NOL10: variants seen among roughly 807,000 people sequenced by gnomAD.
NOL10 encodes nucleolar protein 10.
Under a neutral mutation model 103.5 loss-of-function variants are expected in NOL10, and 58 were observed. The ratio of observed to expected loss-of-function variants is 0.56; its 90% CI spans 0.45 to 0.70. The LOEUF is 0.70. Ranked by LOEUF, NOL10 falls within the 30% of genes least tolerant of loss-of-function variation. The pLI is 0.00. For missense variants in NOL10, 763 were observed against 807.3 expected (o/e 0.95, Z 0.67); for synonymous variants, 287 against 282.5 (o/e 1.02, Z -0.16).
chr2:10,586,152 C>T (rs369457971), intron 19 of NOL10, among the ~76,000 whole-genome samples: 18 of 152,246 alleles, frequency 1.2e-4, no homozygotes, highest in South Asian at 4.1e-4. Context: ...GCCCATAAGG[C>T]GTGGGGTTTC....
At chr2:10,671,218 C>T (rs937940179) in intron 6 of NOL10, among the ~76,000 whole-genome samples, 1 of 152,070 alleles carries the variant, frequency 6.6e-6, no homozygotes, top group African/African-American at 2.4e-5. Flanking sequence ...TTGTGGCAAC[C>T]GGGCTAAACT....
intron 12 of NOL10, among the ~76,000 whole-genome samples, chr2:10,647,980 C>CT (rs1679196312): frequency 2.0e-5 from 3 of 152,196 alleles, no homozygotes; most frequent in Admixed American, 2.0e-4. Flanking sequence ...TTCCACAGGT[C>CT]TGGAGTGGGA....
chr2:10,618,034 G>GTTTTTT (rs36205939), intron 13 of NOL10, among the ~76,000 whole-genome samples: 2 of 145,876 alleles, frequency 1.4e-5, no homozygotes, highest in Non-Finnish European at 3.0e-5. Context: ...TACACTTCAT[G>GTTTTTT]TTTTTTTTTT....
In NOL10 at chr2:10,675,785, T is replaced by C; in HGVS notation, c.289+9A>G. ...ATTTTCATGAATTCAAATTTAGCTT[T>C]TTACTCACCTTCTGAATCTAAACAC... is the stretch of plus-strand genomic sequence containing the variant. On this transcript the variant is annotated intron_variant, in intron 4 of 20. Coordinates refer to ENST00000381685, the MANE Select transcript of NOL10 (RefSeq NM_024894.4). 2.7e-6 allele frequency: 4 copies of C among 1,503,536 alleles called. No individual in the cohort carries two copies. The highest frequency in any genetic ancestry group is 3.6e-6 in the Non-Finnish European group (4 of 1,110,502). The allele number at this position is 1,503,536 out of a possible 1,614,324, so 93.1% of individuals were successfully genotyped here.
chr2:10,599,453 C>T (rs1178375488), intron 17 of NOL10, among the ~76,000 whole-genome samples: 1 of 152,190 alleles, frequency 6.6e-6, no homozygotes, highest in Non-Finnish European at 1.5e-5. Context: ...GCAGCAAAGA[C>T]TTGTATTCTA....
chr2:10,603,198 T>C, intron 14 of NOL10, 41 bp from the exon 15 acceptor site: 1 of 1,421,312 alleles, frequency 7.0e-7, no homozygotes, highest in Middle Eastern at 1.7e-4. Flanking sequence ...CCTTATGCAA[T>C]CTTCATTAAC....
intron 13 of NOL10, among the ~76,000 whole-genome samples, chr2:10,634,172 C>A (rs1486277520): frequency 2.0e-5 from 3 of 152,068 alleles, no homozygotes; most frequent in Non-Finnish European, 2.9e-5. Flanking sequence ...CTGGCTGTTA[C>A]ATGGAAAATA....
chr2:10,663,488 G>A (rs1358104938), intron 8 of NOL10, among the ~76,000 whole-genome samples: 1 of 151,966 alleles, frequency 6.6e-6, no homozygotes, highest in Non-Finnish European at 1.5e-5. Context: ...AGTATTTAGG[G>A]AAGAAATATC....
intron 1 of NOL10, among the ~76,000 whole-genome samples, chr2:10,688,982 C>A (rs1489756061): frequency 6.6e-6 from 1 of 152,212 alleles, no homozygotes; most frequent in East Asian, 1.9e-4. Flanking sequence ...CCAACAGTGG[C>A]ATGCTATAAG....
At chr2:10,587,418 G>A (rs1042312912) in intron 19 of NOL10, among the ~76,000 whole-genome samples, 18 of 149,532 alleles carry the variant, frequency 1.2e-4, no homozygotes, top group Non-Finnish European at 2.2e-4. Flanking sequence ...CTACAGGCAC[G>A]TGCCGCCACA....
At chr2:10,667,353 A>G in intron 7 of NOL10, 75 bp from the exon 8 acceptor site, 1 of 1,089,342 alleles carries the variant, frequency 9.2e-7, no homozygotes, top group Non-Finnish European at 1.4e-6. Flanking sequence ...TTAAATAAAT[A>G]AACAGTCAAC....
rs566434513 is a variant in NOL10, at chr2:10,597,198, T to C, written c.1422+3655A>G. 5.9e-5 allele frequency among the ~76,000 whole-genome samples: 9 copies of C among 152,340 alleles called. No homozygotes were observed. The East Asian group carries it at 1.2e-3, about 20-fold the overall frequency. On this transcript the variant is annotated intron_variant, in intron 17 of 20. Transcript: ENST00000381685. ...AGTTTGGATAATGTCCATATAATAC[T>C]GATTGACATTATGTGGTGGGCCACT... is the stretch of plus-strand genomic sequence containing the variant.
chr2:10,668,850 G>A (rs996613192), intron 6 of NOL10, 127 bp from the exon 7 acceptor site: 16 of 347,884 alleles, frequency 4.6e-5, no homozygotes, highest in Middle Eastern at 9.0e-4. Flanking sequence ...ATACAAAAAC[G>A]TATTCTAAAT....
At position 10,596,268 on chromosome 2, in the gene NOL10, G is replaced by GGGGGGGGGGGGA. The variant is rs1553298216; in HGVS notation, c.1422+4584_1422+4585insTCCCCCCCCCCC. On this transcript the variant is annotated intron_variant, in intron 17 of 20. Transcript: ENST00000381685. ...CCACAGATGGTGGTGGGGGGCGGGG[G>GGGGGGGGGGGGA]GCGGGCGCGAGGGAGTTTTGGGATG... Among the ~76,000 whole-genome samples, 6 of 81,386 alleles carry GGGGGGGGGGGGA rather than the reference G, an allele frequency of 7.4e-5. 1 individual carries two copies. The highest frequency in any genetic ancestry group is 3.1e-4 in the Admixed American group (2 of 6,536). 53.4% of individuals were successfully genotyped at this position (81,386 alleles called of 152,430 possible). A position where few individuals can be genotyped will look rare whatever the true frequency, so the allele number is the denominator to read the frequency against.
chr2:10,626,557 T>C (rs1677478849), intron 13 of NOL10, among the ~76,000 whole-genome samples: 1 of 151,924 alleles, frequency 6.6e-6, no homozygotes, highest in Non-Finnish European at 1.5e-5. Flanking sequence ...GAAGAGATAA[T>C]GGCCATGTTA....
At chr2:10,591,348 C>T (rs2024432) in intron 17 of NOL10, among the ~76,000 whole-genome samples, 52,292 of 151,876 alleles carry the variant, frequency 0.34, 9,427 homozygotes, top group Non-Finnish European at 0.4. Flanking sequence ...AAAAGGAATC[C>T]CAACAAAAGA....
chr2:10,676,096 A>G (rs541133892), intron 3 of NOL10, among the ~76,000 whole-genome samples: 1 of 152,360 alleles, frequency 6.6e-6, no homozygotes, highest in East Asian at 1.9e-4. Context: ...AGAAACCTAC[A>G]AGTAATCTAA....
At chr2:10,669,481 T>TATATAC (rs1229517673) in intron 6 of NOL10, among the ~76,000 whole-genome samples, 1 of 132,428 alleles carries the variant, frequency 7.6e-6, no homozygotes, top group Non-Finnish European at 1.6e-5. Flanking sequence ...TATATATATA[T>TATATAC]ACACACACAC....
At chr2:10,603,209 A>G in intron 14 of NOL10, 52 bp from the exon 15 acceptor site, 3 of 1,336,112 alleles carry the variant, frequency 2.2e-6, no homozygotes, top group Non-Finnish European at 2.1e-6. Flanking sequence ...CTTCATTAAC[A>G]TTCAACAGTT....
Sources: gnomAD v4.1 joint callset for allele counts (sites outside exome capture counted in the v4.1 genomes callset) on GRCh38, gnomAD v4.1.1 for gene constraint, MANE v1.5 for transcripts, NCBI Gene and HGNC (gene_info 2026-07-23, HGNC 2026-07-21) for gene names.